JAZF1: variants seen among roughly 807,000 people sequenced by gnomAD.
JAZF1 encodes juxtaposed with another zinc finger protein 1.
JAZF1 carries 8 observed loss-of-function variants against 26.4 expected under a neutral mutation model. That is an observed-to-expected ratio of 0.30 (90% CI 0.18 to 0.55). JAZF1 has a LOEUF of 0.55. Ranked by LOEUF, JAZF1 falls within the 20% of genes least tolerant of loss-of-function variation. The pLI is 0.94. For synonymous variants in JAZF1, 126 were observed against 122.3 expected (o/e 1.03, Z -0.20); for missense variants, 199 against 322.0 (o/e 0.62, Z 2.92).
At chr7:28,087,716 C>T (rs1413831611) in intron 1 of JAZF1, among the ~76,000 whole-genome samples, 7 of 152,092 alleles carry the variant, frequency 4.6e-5, no homozygotes, top group East Asian at 1.9e-4. Context: ...TGTCATCAGT[C>T]GACATAAGGT....
intron 1 of JAZF1, among the ~76,000 whole-genome samples, chr7:28,120,077 C>T (rs10275989): frequency 0.5 from 76,407 of 151,946 alleles, 21,568 homozygotes; most frequent in Non-Finnish European, 0.64. Context: ...CAAAGACTCT[C>T]GTAGGTACCC....
At chr7:27,852,277 G>A (rs62451078) in intron 3 of JAZF1, among the ~76,000 whole-genome samples, 24,509 of 151,718 alleles carry the variant, frequency 0.16, 2,077 homozygotes, top group Non-Finnish European at 0.18. Context: ...GATTACAGAC[G>A]TGCGCCCCAA....
At chr7:28,141,458 G>A (rs1313623388) in intron 1 of JAZF1, among the ~76,000 whole-genome samples, 1 of 152,170 alleles carries the variant, frequency 6.6e-6, no homozygotes, top group Non-Finnish European at 1.5e-5. Flanking sequence ...TTAAAAAGGT[G>A]CAGTTAGAAT....
intron 3 of JAZF1, among the ~76,000 whole-genome samples, chr7:27,852,258 A>G (rs1487448881): frequency 6.6e-6 from 1 of 151,538 alleles, no homozygotes; most frequent in East Asian, 1.9e-4. Context: ...CAGCCTCTTG[A>G]GTAGCTGGGA....
intron 1 of JAZF1, among the ~76,000 whole-genome samples, chr7:28,042,413 T>C (rs943603392): frequency 2.0e-5 from 3 of 152,080 alleles, no homozygotes; most frequent in Admixed American, 6.6e-5. Context: ...CCTGACATGA[T>C]CAAGTTTTAG....
intron 1 of JAZF1, among the ~76,000 whole-genome samples, chr7:28,133,807 T>C (rs1356515783): frequency 6.6e-6 from 1 of 152,182 alleles, no homozygotes; most frequent in African/African-American, 2.4e-5. Flanking sequence ...TGAGAAACAG[T>C]CTTCTTCCAG....
At chr7:28,034,896 T>C (rs1783258476) in intron 1 of JAZF1, among the ~76,000 whole-genome samples, 2 of 152,164 alleles carry the variant, frequency 1.3e-5, no homozygotes, top group Admixed American at 6.5e-5. Context: ...GCAAACAAAG[T>C]GTGATTTTTT....
chr7:28,127,470 A>G (rs960109037), intron 1 of JAZF1, among the ~76,000 whole-genome samples: 1 of 152,024 alleles, frequency 6.6e-6, no homozygotes, highest in African/African-American at 2.4e-5. Flanking sequence ...GAAAACACAA[A>G]CCTTCACCAG....
Position 28,005,882 on chromosome 7 carries a change from TAA to T in JAZF1, c.116-13903_116-13902del, listed in dbSNP as rs11355665. On this transcript the variant is annotated intron_variant, in intron 1 of 4. Transcript: ENST00000283928. Reference sequence around the variant, plus strand: ...AATTAACTCTGGACTTTCTGTTGCTTAAAAAAAAAAAAAAAAAGGCTTAAATT... The same window carrying T: ...AATTAACTCTGGACTTTCTGTTGCTTAAAAAAAAAAAAAAAGGCTTAAATT... Among the ~76,000 whole-genome samples the T allele has an allele frequency of 3.7e-3, 515 of 137,950 alleles. 1 individual carries two copies. Among genetic ancestry groups the T allele is most frequent in the Non-Finnish European group, 4.1e-3 (267 of 64,348 alleles). 90.5% of individuals were successfully genotyped at this position (137,950 alleles called of 152,430 possible). A position where few individuals can be genotyped will look rare whatever the true frequency, so the allele number is the denominator to read the frequency against.
At chr7:28,000,622 C>CTTTTTT (rs1190147547) in intron 1 of JAZF1, among the ~76,000 whole-genome samples, 11 of 62,072 alleles carry the variant, frequency 1.8e-4, no homozygotes, top group African/African-American at 4.1e-4. Flanking sequence ...TTCTTTCTTT[C>CTTTTTT]TTTTTTTTTT....
intron 3 of JAZF1, among the ~76,000 whole-genome samples, chr7:27,848,204 TTTTCA>T (rs1243786238): frequency 6.6e-6 from 1 of 152,166 alleles, no homozygotes; most frequent in Non-Finnish European, 1.5e-5. Context: ...CAAGGGATAT[TTTTCA>T]TTTATTTGTG....
intron 2 of JAZF1, among the ~76,000 whole-genome samples, chr7:27,983,108 G>C (rs879385843): frequency 5.3e-5 from 8 of 152,228 alleles, no homozygotes; most frequent in Non-Finnish European, 8.8e-5. Context: ...TTGACGAGTT[G>C]AGAGAAGAAG....
intron 2 of JAZF1, among the ~76,000 whole-genome samples, chr7:27,943,006 C>T (rs1458073833): frequency 2.0e-5 from 3 of 152,134 alleles, no homozygotes; most frequent in South Asian, 2.1e-4. Flanking sequence ...TGGCTTAATC[C>T]AGAGAGGCTT....
chr7:27,873,016 T>G lies in JAZF1; in HGVS notation c.385+22204A>C, dbSNP rs75632288. Among the ~76,000 whole-genome samples the G allele has an allele frequency of 3.9e-3, 588 of 152,210 alleles. 10 individuals carry two copies. The East Asian group carries it at 0.041, about 11-fold the overall frequency. ...AACCAGAGCCATTTTGGGCCAAACA[T>G]AAACATTCCAGCGTCTACAAAGTTT... On this transcript the variant is annotated intron_variant, in intron 3 of 4. Transcript: ENST00000283928.
chr7:27,914,700 A>G, intron 2 of JAZF1: 1 of 470,996 alleles, frequency 2.1e-6, no homozygotes, highest in Non-Finnish European at 4.4e-6. Flanking sequence ...TAGATATAGC[A>G]CTTCTTCAGA....
At chr7:28,072,233 G>A (rs1038150504) in intron 1 of JAZF1, among the ~76,000 whole-genome samples, 1 of 152,196 alleles carries the variant, frequency 6.6e-6, no homozygotes, top group Non-Finnish European at 1.5e-5. Flanking sequence ...CAGTGAGAAA[G>A]TGTGATGATT....
intron 3 of JAZF1, chr7:27,863,858 TC>T (rs1414579545): frequency 2.6e-5 from 4 of 152,188 alleles, no homozygotes; most frequent in African/African-American, 9.7e-5. Context: ...AGATTCAGCT[TC>T]CAGCAAATGA....
At chr7:27,976,073 G>A (rs879698815) in intron 2 of JAZF1, among the ~76,000 whole-genome samples, 8 of 152,224 alleles carry the variant, frequency 5.3e-5, no homozygotes, top group South Asian at 4.1e-4. Flanking sequence ...GGCTAGTCGC[G>A]ATGGCTCACG....
At chr7:28,156,761 T>A (rs1328187097) in intron 1 of JAZF1, among the ~76,000 whole-genome samples, 4 of 152,168 alleles carry the variant, frequency 2.6e-5, no homozygotes, top group Non-Finnish European at 5.9e-5. Context: ...CAGAGACCAC[T>A]CTTGGAGACC....
Sources: allele counts gnomAD v4.1 joint callset (sites outside exome capture counted in the v4.1 genomes callset), GRCh38; gene constraint gnomAD v4.1.1; transcripts MANE v1.5; gene names NCBI Gene and HGNC (gene_info 2026-07-23, HGNC 2026-07-21).